BRINP3: variants seen among roughly 807,000 people sequenced by gnomAD.
BRINP3 encodes BMP/retinoic acid-inducible neural-specific protein 3.
Under a neutral mutation model 71.0 loss-of-function variants are expected in BRINP3, and 19 were observed. The ratio of observed to expected loss-of-function variants is 0.27; its 90% confidence interval spans 0.19 to 0.39. The LOEUF (loss-of-function observed/expected upper bound fraction) is 0.39, where lower values mean the gene tolerates loss of function less well. Among genes scored for constraint, BRINP3 ranks in the 10% least tolerant of loss-of-function variants. The pLI, the probability that BRINP3 is intolerant of heterozygous loss-of-function variation, is 1.00. For synonymous variants in BRINP3, 380 were observed against 337.7 expected, an observed-to-expected ratio of 1.13 and a Z score of -1.37; for missense variants, 959 against 940.8, an observed-to-expected ratio of 1.02 and a Z score of -0.25.
intron 2 of BRINP3, among the ~76,000 whole-genome samples, chr1:190,287,135 G>T (rs1663491473): frequency 6.6e-6 from 1 of 152,086 alleles, no homozygotes. Flanking sequence ...GCTGAGGCAG[G>T]AGGATCACTT....
chr1:190,451,985 C>T (rs1308253720), intron 2 of BRINP3, among the ~76,000 whole-genome samples: 1 of 152,094 alleles, frequency 6.6e-6, no homozygotes. Context: ...GCAATATTCC[C>T]CTAGAATGTG....
intron 6 of BRINP3, among the ~76,000 whole-genome samples, chr1:190,208,802 C>T (rs147418886): frequency 4.6e-5 from 7 of 151,950 alleles, no homozygotes; most frequent in African/African-American, 1.7e-4. Context: ...ATCAGAACCA[C>T]CTACTTTTGT....
rs913363586 is a variant in BRINP3 at position 190,206,383 on chromosome 1, T to C, written c.961+19699A>G. ...AAGGAAAAACTTAATCTATAATACA[T>C]TGAGGATCTGCAAAAAGCTCAAGGT... On this transcript the variant is annotated intron_variant, in intron 6 of 7. Coordinates refer to ENST00000367462, the MANE Select transcript of BRINP3 (RefSeq NM_199051.3). Among the ~76,000 whole-genome samples the C allele has an allele frequency of 7.9e-5, 12 of 152,028 alleles. No individual in the cohort carries two copies. The South Asian group carries it at 8.3e-4, about 10-fold the overall frequency.
At position 190,116,270 on chromosome 1, in the gene BRINP3, G is replaced by A. The variant is rs1214652830; in HGVS notation, c.1185-17136C>T. 2.0e-5 allele frequency among the ~76,000 whole-genome samples: 3 copies of A among 152,156 alleles called. No homozygotes were observed. The East Asian group carries it at 5.8e-4, about 29-fold the overall frequency. ...ATGTGGTTAAAATCTACCATTAAGA[G>A]CTGAAAATTGATTGAAGTAGACAAC... is the stretch of plus-strand genomic sequence containing the variant. On this transcript the variant is annotated intron_variant, in intron 7 of 7. Transcript: ENST00000367462.
chr1:190,452,212 C>A (rs1675656589), intron 2 of BRINP3, among the ~76,000 whole-genome samples: 5 of 152,102 alleles, frequency 3.3e-5, no homozygotes, highest in Admixed American at 3.3e-4. Flanking sequence ...ACAAAACTTG[C>A]TTTACTAAAA....
chr1:190,376,600 G>A (rs1670197860), intron 2 of BRINP3, among the ~76,000 whole-genome samples: 1 of 152,026 alleles, frequency 6.6e-6, no homozygotes, highest in South Asian at 2.1e-4. Context: ...AGAATTACAA[G>A]TAATTGTTAA....
chr1:190,301,202 T>TATATATATATATAC lies in BRINP3; in HGVS notation c.237-19453_237-19452insGTATATATATATAT, dbSNP rs1558160601. On this transcript the variant is annotated intron_variant, in intron 2 of 7. Coordinates refer to ENST00000367462, the MANE Select transcript of BRINP3 (RefSeq NM_199051.3). ...ATATATATATGTATATATATACACA[T>TATATATATATATAC]ACATATATATATATATATATATATA... is the stretch of plus-strand genomic sequence containing the variant. 3.8e-4 allele frequency among the ~76,000 whole-genome samples: 10 copies of TATATATATATATAC among 26,168 alleles called. 1 individual carries two copies. The South Asian group carries it at 0.01, about 27-fold the overall frequency. The allele number at this position is 26,168 out of a possible 152,430, so 17.2% of individuals were successfully genotyped here. A position where few individuals can be genotyped will look rare whatever the true frequency, so the allele number is the denominator to read the frequency against.
chr1:190,457,230 T>C (rs1041179931), intron 1 of BRINP3, among the ~76,000 whole-genome samples: 6 of 151,908 alleles, frequency 3.9e-5, no homozygotes, highest in Non-Finnish European at 7.4e-5. Flanking sequence ...TCACCTGAGG[T>C]TGGGAGTTCA....
intron 6 of BRINP3, among the ~76,000 whole-genome samples, chr1:190,219,674 C>T (rs930198492): frequency 6.6e-6 from 1 of 151,736 alleles, no homozygotes. Flanking sequence ...CCTGTCTCTA[C>T]TAAAAATACA....
intron 2 of BRINP3, among the ~76,000 whole-genome samples, chr1:190,351,921 G>A (rs1270956798): frequency 6.6e-6 from 1 of 151,994 alleles, no homozygotes. Context: ...TCTAGGAAGA[G>A]TTATTTGAAT....
At chr1:190,472,720 T>C (rs1372747541) in intron 1 of BRINP3, among the ~76,000 whole-genome samples, 1 of 151,654 alleles carries the variant, frequency 6.6e-6, no homozygotes, top group Non-Finnish European at 1.5e-5. Flanking sequence ...TTTGTACTTG[T>C]GGAGAGAAAC....
chr1:190,152,952 A>G (rs570529848), intron 7 of BRINP3, among the ~76,000 whole-genome samples: 1 of 152,180 alleles, frequency 6.6e-6, no homozygotes, highest in Non-Finnish European at 1.5e-5. Context: ...AGTGAAAGAT[A>G]ATTAAAAGAT....
At chr1:190,240,450 A>G (rs1434678168) in intron 4 of BRINP3, among the ~76,000 whole-genome samples, 1 of 152,116 alleles carries the variant, frequency 6.6e-6, no homozygotes, top group Non-Finnish European at 1.5e-5. Context: ...AAAAAATTTT[A>G]AAGCAAAATT....
intron 2 of BRINP3, among the ~76,000 whole-genome samples, chr1:190,338,537 A>C (rs993309660): frequency 6.6e-6 from 1 of 152,070 alleles, no homozygotes; most frequent in African/African-American, 2.4e-5. Flanking sequence ...TTTATTAAGA[A>C]ATGTTTGTAG....
intron 2 of BRINP3, among the ~76,000 whole-genome samples, chr1:190,336,276 T>C (rs979618424): frequency 6.6e-6 from 1 of 152,192 alleles, no homozygotes; most frequent in Non-Finnish European, 1.5e-5. Flanking sequence ...ATCTATGTTT[T>C]ACTAAGATCA....
Position 190,098,059 on chromosome 1 carries a change from G to A in BRINP3, c.2260C>T (p.Pro754Ser). 2 of 1,613,604 alleles carry A rather than the reference G, an allele frequency of 1.2e-6. No homozygotes were observed. The highest frequency in any genetic ancestry group is 1.7e-6 in the Non-Finnish European group (2 of 1,179,826). ...GTCGTGTCATAATCCATTGTGTTTG[G>A]CAATTTGGCATTAAACGCCTGCAGA... ...SALQAFNAKL[P>S]NTMDYDTTKL... Residue 754 changes from proline (P) to serine (S), a missense_variant, in exon 8 of 8, where the codon CCA (proline) becomes TCA (serine). Coordinates refer to ENST00000367462, the MANE Select transcript of BRINP3 (RefSeq NM_199051.3).
chr1:190,361,766 A>G (rs1347105643), intron 2 of BRINP3, among the ~76,000 whole-genome samples: 2 of 152,164 alleles, frequency 1.3e-5, no homozygotes, highest in Non-Finnish European at 2.9e-5. Context: ...GACTTCCATT[A>G]GGCATATTAT....
intron 6 of BRINP3, among the ~76,000 whole-genome samples, chr1:190,211,797 G>C (rs1656012948): frequency 6.6e-6 from 1 of 152,060 alleles, no homozygotes; most frequent in African/African-American, 2.4e-5. Context: ...ATCTATGTCA[G>C]ATGATGTTAA....
intron 1 of BRINP3, among the ~76,000 whole-genome samples, chr1:190,472,350 G>A (rs1390046772): frequency 1.3e-5 from 2 of 151,436 alleles, no homozygotes; most frequent in African/African-American, 4.8e-5. Context: ...TTATTACGAT[G>A]TGAAAGAAAA....
Sources: gnomAD v4.1 joint callset for allele counts (sites outside exome capture counted in the v4.1 genomes callset) on GRCh38, gnomAD v4.1.1 for gene constraint, MANE v1.5 for transcripts, NCBI Gene and HGNC (gene_info 2026-07-23, HGNC 2026-07-21) for gene names.